ATRNL1: variants seen among roughly 807,000 people sequenced by gnomAD.
The protein encoded by ATRNL1 is attractin-like protein 1.
ATRNL1 carries 95 observed loss-of-function variants against 182.7 expected under a neutral mutation model. The ratio of observed to expected loss-of-function variants is 0.52; its 90% CI spans 0.44 to 0.62. The LOEUF (loss-of-function observed/expected upper bound fraction) is 0.62. ATRNL1 is among the 20% of genes least tolerant of loss of function. The pLI, the probability that ATRNL1 is intolerant of heterozygous loss-of-function variation, is 0.00. For missense variants in ATRNL1, 1,471 were observed against 1,679.5 expected, an observed-to-expected ratio of 0.88 and a Z score of 2.17; for synonymous variants, 576 against 568.3, an observed-to-expected ratio of 1.01 and a Z score of -0.19.
intron 15 of ATRNL1, among the ~76,000 whole-genome samples, chr10:115,291,609 A>G (rs1304782913): frequency 2.0e-5 from 3 of 152,012 alleles, no homozygotes; most frequent in African/African-American, 7.2e-5. Context: ...TGCTGCATCT[A>G]TTGAGATGAT....
At chr10:115,101,131 C>T (rs1265755070) in intron 1 of ATRNL1, among the ~76,000 whole-genome samples, 1 of 151,946 alleles carries the variant, frequency 6.6e-6, no homozygotes, top group African/African-American at 2.4e-5. Context: ...TTCCTTATGG[C>T]TTTCTACTTA....
At chr10:115,481,968 A>G (rs1231249328) in intron 24 of ATRNL1, among the ~76,000 whole-genome samples, 1 of 150,992 alleles carries the variant, frequency 6.6e-6, no homozygotes, top group Non-Finnish European at 1.5e-5. Flanking sequence ...TGAGTACTAT[A>G]TTTTGGGTTT....
intron 21 of ATRNL1, among the ~76,000 whole-genome samples, chr10:115,446,522 A>C (rs1207320844): frequency 6.6e-5 from 10 of 151,972 alleles, no homozygotes; most frequent in Non-Finnish European, 1.0e-4. Context: ...ATAGCTAAAA[A>C]AACTCTGTAT....
intron 20 of ATRNL1, among the ~76,000 whole-genome samples, chr10:115,403,708 T>C (rs1554957560): frequency 6.6e-6 from 1 of 152,230 alleles, no homozygotes; most frequent in Non-Finnish European, 1.5e-5. Flanking sequence ...CACCTTGGCC[T>C]ACCAAAGTCC....
intron 28 of ATRNL1, among the ~76,000 whole-genome samples, chr10:115,862,305 G>A (rs1220554330): frequency 6.6e-6 from 1 of 152,068 alleles, no homozygotes; most frequent in Non-Finnish European, 1.5e-5. Context: ...TTCCCTTTAT[G>A]TTTCCAGTGG....
chr10:115,227,841 TAAAAG>T (rs1162843528), intron 9 of ATRNL1, among the ~76,000 whole-genome samples: 1 of 152,006 alleles, frequency 6.6e-6, no homozygotes, highest in African/African-American at 2.4e-5. Context: ...AAATCAGACA[TAAAAG>T]AAAACAGTAT....
At chr10:115,401,321 T>C (rs781785681) in intron 20 of ATRNL1, among the ~76,000 whole-genome samples, 9 of 152,054 alleles carry the variant, frequency 5.9e-5, no homozygotes, top group Non-Finnish European at 8.8e-5. Context: ...TTAAAATGGA[T>C]GTATGTAGCA....
At chr10:115,736,146 CT>C (rs1404802310) in intron 27 of ATRNL1, among the ~76,000 whole-genome samples, 22 of 152,186 alleles carry the variant, frequency 1.4e-4, no homozygotes, top group Non-Finnish European at 2.2e-4. Flanking sequence ...TTCTAAGACT[CT>C]GATTAGATGC....
intron 19 of ATRNL1, among the ~76,000 whole-genome samples, chr10:115,337,135 A>T (rs569404111): frequency 8.6e-5 from 13 of 151,936 alleles, no homozygotes; most frequent in African/African-American, 3.1e-4. Context: ...TGCTGTGGTT[A>T]CAGGCGTGAG....
chr10:115,374,306 T>A (rs1353045509), intron 19 of ATRNL1, among the ~76,000 whole-genome samples: 2 of 151,760 alleles, frequency 1.3e-5, no homozygotes, highest in Non-Finnish European at 2.9e-5. Flanking sequence ...CTTAGTTTCA[T>A]TGATCTTTTT....
chr10:115,654,462 G>A (rs1250287530), intron 26 of ATRNL1, among the ~76,000 whole-genome samples: 6 of 151,738 alleles, frequency 4.0e-5, no homozygotes, highest in African/African-American at 4.8e-5. Flanking sequence ...CAGGTGATCC[G>A]CCCGCCTCAG....
At chr10:115,330,287 TAA>T (rs1855141208) in intron 18 of ATRNL1, among the ~76,000 whole-genome samples, 1 of 152,206 alleles carries the variant, frequency 6.6e-6, no homozygotes, top group African/African-American at 2.4e-5. Flanking sequence ...TTAACCTTCC[TAA>T]TAAGGATATA....
intron 18 of ATRNL1, among the ~76,000 whole-genome samples, chr10:115,328,104 T>A (rs915913277): frequency 4.0e-5 from 6 of 151,450 alleles, no homozygotes; most frequent in African/African-American, 7.3e-5. Flanking sequence ...AAAAATAATT[T>A]AAAAAAAAGA....
chr10:115,336,979 G>T (rs1448669137), intron 19 of ATRNL1, among the ~76,000 whole-genome samples: 2 of 700 alleles, frequency 2.9e-3, no homozygotes, highest in South Asian at 0.012. Flanking sequence ...CCAAGTAGCT[G>T]GGGGGGGGGG....
In ATRNL1 at chr10:115,120,265, G is replaced by A; in HGVS notation, c.374G>A (p.Gly125Asp). The A allele has an allele frequency of 6.7e-7, 1 of 1,501,666 alleles. No homozygotes were observed. The highest frequency in any genetic ancestry group is 9.2e-7 in the Non-Finnish European group (1 of 1,083,694). The allele number at this position is 1,501,666 out of a possible 1,614,324, so 93.0% of individuals were successfully genotyped here. Reference sequence around the variant, plus strand: ...ACTAAATGTACTTGGCTCATTGAAGGCTAGTAAGTATACAGTCTGAGTCAA... The same window carrying A: ...ACTAAATGTACTTGGCTCATTGAAGACTAGTAAGTATACAGTCTGAGTCAA... ...YKTKCTWLIEGYPNAVLRLRF... is the reference protein window; with the variant it reads ...YKTKCTWLIEDYPNAVLRLRF... The change falls in exon 2 of 29, where the codon GGC (glycine) becomes GAC (aspartate). Residue 125 changes from glycine (G) to aspartate (D), a missense_variant. By Grantham distance (94) the Gly-to-Asp change is moderately conservative (BLOSUM62 -1). Transcript: ENST00000355044.
intron 27 of ATRNL1, among the ~76,000 whole-genome samples, chr10:115,764,758 C>T (rs961767730): frequency 3.9e-5 from 6 of 152,136 alleles, no homozygotes; most frequent in African/African-American, 9.6e-5. Flanking sequence ...CTGCAACCTC[C>T]GCCTCCCACA....
chr10:115,830,749 C>G (rs1389421383), intron 27 of ATRNL1, among the ~76,000 whole-genome samples: 1 of 152,058 alleles, frequency 6.6e-6, no homozygotes, highest in African/African-American at 2.4e-5. Context: ...CGAGCTTTTC[C>G]TCTTGGGGAA....
At chr10:115,849,046 C>T (rs1016639021) in intron 28 of ATRNL1, among the ~76,000 whole-genome samples, 15 of 152,240 alleles carry the variant, frequency 9.9e-5, no homozygotes, top group African/African-American at 3.6e-4. Context: ...CTACTTTATG[C>T]CTTGTAAACG....
intron 7 of ATRNL1, among the ~76,000 whole-genome samples, chr10:115,166,854 A>G (rs11197096): frequency 0.025 from 3,784 of 151,458 alleles, 157 homozygotes; most frequent in African/African-American, 0.086. Flanking sequence ...CTGTCTTTTC[A>G]CTTTGTTGAG....
Sources: gnomAD v4.1 joint callset for allele counts (sites outside exome capture counted in the v4.1 genomes callset) on GRCh38, gnomAD v4.1.1 for gene constraint, MANE v1.5 for transcripts, NCBI Gene and HGNC (gene_info 2026-07-23, HGNC 2026-07-21) for gene names.